The following NHSL2 variants were observed in gnomAD, a reference collection of about 807,000 sequenced individuals.
NHSL2 encodes NHS-like protein 2.
Under a neutral mutation model 53.4 loss-of-function variants are expected in NHSL2, and 27 were observed. That is an observed-to-expected ratio of 0.51 (90% CI 0.37 to 0.70). NHSL2 has a LOEUF of 0.70. NHSL2 is among the 30% of genes least tolerant of loss of function. The pLI, the probability that NHSL2 is intolerant of heterozygous loss-of-function variation, is 0.00. For synonymous variants in NHSL2, 408 were observed against 404.1 expected (o/e 1.01, Z -0.12); for missense variants, 892 against 980.1 (o/e 0.91, Z 1.20).
chrX:71,945,742 G>C (rs1289030412), intron 1 of NHSL2, among the ~76,000 whole-genome samples: 1 of 111,668 alleles, frequency 9.0e-6, no homozygotes, highest in Admixed American at 9.5e-5. Flanking sequence ...GGCTAGCAGG[G>C]AAGAGAGACT....
chrX:72,026,891 A>G (rs1206604184), intron 1 of NHSL2, among the ~76,000 whole-genome samples: 1 of 112,390 alleles, frequency 8.9e-6, no homozygotes, highest in Non-Finnish European at 1.9e-5. Context: ...AGAGCAGTAC[A>G]GCATGCCAGG....
At position 72,129,887 on chromosome X, in the gene NHSL2, G is replaced by A. The variant is rs769386611; in HGVS notation, c.281-2192G>A. On this transcript the variant is annotated intron_variant, in intron 1 of 7. Coordinates refer to ENST00000633930, the MANE Select transcript of NHSL2 (RefSeq NM_001013627.3). ...TGGCCCCCCTGTCTCGGAGTGAGGCGGAAAAGCACAGGGGGGCGTCTTCGA... is the reference window on the plus strand; with the variant it reads ...TGGCCCCCCTGTCTCGGAGTGAGGCAGAAAAGCACAGGGGGGCGTCTTCGA... 8.0e-5 allele frequency: 97 copies of A among 1,207,043 alleles called. No individual in the cohort carries two copies. The highest frequency in any genetic ancestry group is 4.6e-4 in the Middle Eastern group (2 of 4,357).
At chrX:71,923,278 C>G (rs1055609844) in intron 1 of NHSL2, among the ~76,000 whole-genome samples, 1 of 111,939 alleles carries the variant, frequency 8.9e-6, no homozygotes, top group African/African-American at 3.3e-5. Context: ...GGCACATCCT[C>G]TGGGAACAGC....
intron 1 of NHSL2, among the ~76,000 whole-genome samples, chrX:72,068,969 C>A (rs1165654005): frequency 8.9e-6 from 1 of 112,676 alleles, no homozygotes; most frequent in African/African-American, 3.2e-5. Context: ...CAAATTTTCC[C>A]AGATTTCTGT....
intron 2 of NHSL2, among the ~76,000 whole-genome samples, 192 bp downstream of exon 2, chrX:72,132,426 C>G (rs1032496677): frequency 1.8e-5 from 2 of 111,668 alleles, no homozygotes; most frequent in Non-Finnish European, 3.8e-5. Flanking sequence ...AGGGCTGTTT[C>G]CCCCCATCCC....
At chrX:71,965,347 C>G (rs2041896345) in intron 1 of NHSL2, among the ~76,000 whole-genome samples, 1 of 112,389 alleles carries the variant, frequency 8.9e-6, no homozygotes, top group South Asian at 3.6e-4. Context: ...TCCACTTGCT[C>G]CTGCAACATT....
chrX:72,026,396 G>C (rs1415121189), intron 1 of NHSL2, among the ~76,000 whole-genome samples: 1 of 112,368 alleles, frequency 8.9e-6, no homozygotes, highest in Non-Finnish European at 1.9e-5. Flanking sequence ...CTGCTCTTTG[G>C]GGACAACAAG....
chrX:72,046,672 C>G (rs1342400235), intron 1 of NHSL2, among the ~76,000 whole-genome samples: 2 of 110,448 alleles, frequency 1.8e-5, no homozygotes, highest in Admixed American at 1.9e-4. Context: ...GGATTATGCT[C>G]TCTTCCCTGG....
At position 71,911,598 on chromosome X, in the gene NHSL2, C is replaced by G. The variant is rs781440976; in HGVS notation, c.280+231C>G. Among the ~76,000 whole-genome samples, 41 of 112,450 alleles carry G rather than the reference C, an allele frequency of 3.6e-4. No individual in the cohort carries two copies. The East Asian group carries it at 7.4e-3, about 20-fold the overall frequency. ...CCGGTCGCGCCGTCCGGAGTGGCCC[C>G]GTGCCCTTGGGACTCCCGACCCTGG... On this transcript the variant is annotated intron_variant, in intron 1 of 7. Transcript: ENST00000633930.
Position 72,059,835 on chromosome X carries a change from C to T in NHSL2, c.281-72244C>T, listed in dbSNP as rs188144079. Among the ~76,000 whole-genome samples the T allele has an allele frequency of 6.8e-3, 765 of 112,193 alleles. 20 individuals carry two copies. The highest frequency in any genetic ancestry group is 0.065 in the Admixed American group (689 of 10,601). On this transcript the variant is annotated intron_variant, in intron 1 of 7. Transcript: ENST00000633930. ...CACTTGCTATGCACCAGACCTTGCT[C>T]TATGCACTTTCTATGCATTCTCTTT...
chrX:72,038,928 G>GA (rs1382654732), intron 1 of NHSL2, among the ~76,000 whole-genome samples: 4 of 111,389 alleles, frequency 3.6e-5, no homozygotes, highest in East Asian at 2.8e-4. Context: ...TTAGCTGTGA[G>GA]AAAAAAAACA....
intron 2 of NHSL2, among the ~76,000 whole-genome samples, chrX:72,132,652 C>T (rs977035754): frequency 8.9e-6 from 1 of 111,812 alleles, no homozygotes; most frequent in African/African-American, 3.3e-5. Context: ...CTCTGGGCTT[C>T]ACTCACTCTG....
At chrX:72,089,952 G>A (rs888793386) in intron 1 of NHSL2, among the ~76,000 whole-genome samples, 17 of 112,024 alleles carry the variant, frequency 1.5e-4, no homozygotes, top group African/African-American at 4.9e-4. Context: ...CGAAGACTAC[G>A]CACAGTAACA....
At chrX:71,993,519 C>G (rs1569470143) in intron 1 of NHSL2, among the ~76,000 whole-genome samples, 1 of 111,657 alleles carries the variant, frequency 9.0e-6, no homozygotes, top group Admixed American at 9.5e-5. Context: ...CTCTTGAGTA[C>G]CCTGGAGGGT....
At chrX:72,015,964 A>T (rs984575286) in intron 1 of NHSL2, among the ~76,000 whole-genome samples, 1 of 111,158 alleles carries the variant, frequency 9.0e-6, no homozygotes, top group Admixed American at 9.5e-5. Flanking sequence ...TCTTTTGCCT[A>T]AAAAAAAATT....
chrX:72,079,255 A>G (rs1185777774), intron 1 of NHSL2, among the ~76,000 whole-genome samples: 2 of 112,695 alleles, frequency 1.8e-5, no homozygotes, highest in Admixed American at 9.4e-5. Context: ...GGAACAAGAT[A>G]TGTTTTCAGT....
intron 1 of NHSL2, among the ~76,000 whole-genome samples, chrX:72,075,693 T>G (rs1355124219): frequency 1.8e-5 from 2 of 111,479 alleles, no homozygotes; most frequent in African/African-American, 6.5e-5. Context: ...CAGTTGGAAT[T>G]AATAGTGCCT....
At chrX:71,996,333 T>G (rs2042050211) in intron 1 of NHSL2, among the ~76,000 whole-genome samples, 1 of 112,870 alleles carries the variant, frequency 8.9e-6, no homozygotes, top group African/African-American at 3.2e-5. Flanking sequence ...CAAATAGTGA[T>G]GGGGCGGTGG....
chrX:72,079,377 AG>A (rs1476289248), intron 1 of NHSL2, among the ~76,000 whole-genome samples: 1 of 112,421 alleles, frequency 8.9e-6, no homozygotes, highest in Non-Finnish European at 1.9e-5. Flanking sequence ...GAAGATCGGC[AG>A]GGTTCTCCTG....
Sources: allele counts gnomAD v4.1 joint callset (sites outside exome capture counted in the v4.1 genomes callset), GRCh38; gene constraint gnomAD v4.1.1; transcripts MANE v1.5; gene names NCBI Gene and HGNC (gene_info 2026-07-23, HGNC 2026-07-21).